Variants in KIAA1328 observed in about 807,000 individuals in gnomAD.
KIAA1328 encodes KIAA1328, also known as protein hinderin.
In KIAA1328, 52 loss-of-function variants were observed where a neutral mutation model predicts 68.1. That is an observed-to-expected ratio of 0.76 (90% CI 0.61 to 0.96). The LOEUF (loss-of-function observed/expected upper bound fraction) is 0.96. Among genes scored for constraint, KIAA1328 ranks in the 40% least tolerant of loss-of-function variants. KIAA1328 has a pLI of 0.00. For missense variants in KIAA1328, 641 were observed against 677.6 expected (o/e 0.95, Z 0.60); for synonymous variants, 232 against 239.4 (o/e 0.97, Z 0.28).
Position 37,068,866 on chromosome 18 carries a change from C to T in KIAA1328, c.1232+1321C>T, listed in dbSNP as rs549166704. 2.6e-5 allele frequency among the ~76,000 whole-genome samples: 4 copies of T among 152,220 alleles called. No individual in the cohort carries two copies. The South Asian group carries it at 8.3e-4, about 32-fold the overall frequency. Reference sequence around the variant, plus strand: ...TCTTGAACTTAAATAATTATCCCACCTCAGCCTCCCAAAGTGCTGGAATTA... The same window carrying T: ...TCTTGAACTTAAATAATTATCCCACTTCAGCCTCCCAAAGTGCTGGAATTA... On this transcript the variant is annotated intron_variant, in intron 7 of 9. Transcript: ENST00000280020.
At chr18:36,904,809 G>C (rs898172199) in intron 5 of KIAA1328, among the ~76,000 whole-genome samples, 1 of 151,498 alleles carries the variant, frequency 6.6e-6, no homozygotes, top group Non-Finnish European at 1.5e-5. Context: ...TGTTCTTTTG[G>C]ATCAATTGAA....
At chr18:36,994,517 C>T (rs1428093672) in intron 6 of KIAA1328, among the ~76,000 whole-genome samples, 2 of 152,094 alleles carry the variant, frequency 1.3e-5, no homozygotes, top group Admixed American at 1.3e-4. Flanking sequence ...AACCACTCAT[C>T]TCATCCAACT....
At chr18:37,178,987 A>G (rs2059648193) in intron 9 of KIAA1328, among the ~76,000 whole-genome samples, 1 of 152,104 alleles carries the variant, frequency 6.6e-6, no homozygotes, top group African/African-American at 2.4e-5. Context: ...TTCTTATCAG[A>G]TGGATAGTTT....
intron 3 of KIAA1328, among the ~76,000 whole-genome samples, chr18:36,842,106 T>C (rs560204690): frequency 1.4e-4 from 22 of 152,294 alleles, no homozygotes; most frequent in African/African-American, 5.3e-4. Flanking sequence ...CATTAAAGTA[T>C]CATGAAAGTA....
At chr18:36,989,840 G>A (rs1315012361) in intron 6 of KIAA1328, among the ~76,000 whole-genome samples, 2 of 152,064 alleles carry the variant, frequency 1.3e-5, no homozygotes, top group Non-Finnish European at 2.9e-5. Flanking sequence ...GCCTACAGGT[G>A]CCCGCCACCA....
rs369168460 is a variant in KIAA1328, at chr18:37,180,981, G to T, written c.1523+7900G>T. ...ATGTTCATACAAATTACATATTATT[G>T]TCAAGATTTTTAATGACTGTTAAAG... On this transcript the variant is annotated intron_variant, in intron 9 of 9. Transcript: ENST00000280020. Among the ~76,000 whole-genome samples, 7 of 152,116 alleles carry T rather than the reference G, an allele frequency of 4.6e-5. No individual in the cohort carries two copies. In the South Asian group the frequency reaches 6.2e-4, roughly 14 times the overall value.
At chr18:37,143,251 G>A (rs1025394403) in intron 7 of KIAA1328, among the ~76,000 whole-genome samples, 6 of 151,912 alleles carry the variant, frequency 3.9e-5, no homozygotes, top group African/African-American at 9.7e-5. Flanking sequence ...CACCATGCCC[G>A]GCCTACTTAG....
At chr18:37,193,390 A>G (rs539063881) in intron 9 of KIAA1328, among the ~76,000 whole-genome samples, 3 of 152,346 alleles carry the variant, frequency 2.0e-5, no homozygotes, top group African/African-American at 4.8e-5. Flanking sequence ...AATGGAATAA[A>G]CAAAGAGTAT....
At chr18:37,058,773 G>A (rs2056029074) in intron 6 of KIAA1328, among the ~76,000 whole-genome samples, 1 of 152,030 alleles carries the variant, frequency 6.6e-6, no homozygotes. Flanking sequence ...CTCTAGTATG[G>A]ATGTTGAAGC....
intron 6 of KIAA1328, among the ~76,000 whole-genome samples, chr18:37,042,380 A>G (rs1000311209): frequency 2.0e-5 from 3 of 152,214 alleles, no homozygotes; most frequent in African/African-American, 7.2e-5. Context: ...GATTTTCTTC[A>G]GCATTTCTTA....
At chr18:37,116,459 T>G (rs947880371) in intron 7 of KIAA1328, among the ~76,000 whole-genome samples, 2 of 152,104 alleles carry the variant, frequency 1.3e-5, no homozygotes, top group African/African-American at 2.4e-5. Context: ...GCTAGCCATA[T>G]GTAGAAAGCT....
chr18:37,128,343 G>A (rs924009495), intron 7 of KIAA1328, among the ~76,000 whole-genome samples: 2 of 152,024 alleles, frequency 1.3e-5, no homozygotes, highest in South Asian at 2.1e-4. Context: ...GTGTGGTGGT[G>A]CACACCTGTA....
chr18:36,961,467 A>G (rs1322065661), intron 6 of KIAA1328, among the ~76,000 whole-genome samples: 1 of 152,124 alleles, frequency 6.6e-6, no homozygotes, highest in Admixed American at 6.5e-5. Flanking sequence ...TACAGAGAAC[A>G]CCACAAAGAT....
intron 4 of KIAA1328, among the ~76,000 whole-genome samples, chr18:36,876,622 C>G (rs2048137544): frequency 6.6e-6 from 1 of 152,100 alleles, no homozygotes; most frequent in African/African-American, 2.4e-5. Context: ...TTTCAAAAAA[C>G]CAGCTCCTGG....
In KIAA1328 at chr18:37,179,260, G is replaced by A. The variant is rs138390740; in HGVS notation, c.1523+6179G>A. Among the ~76,000 whole-genome samples, 706 of 152,244 alleles carry A rather than the reference G, an allele frequency of 4.6e-3. 5 individuals are homozygous for A. The highest frequency in any genetic ancestry group is 0.019 in the South Asian group (93 of 4,820). ...TGATTTTTGTATCTGATGAGAGATA[G>A]GGAGTCTAGTTTCACTCTCTGCATG... On this transcript the variant is annotated intron_variant, in intron 9 of 9. Coordinates refer to ENST00000280020, the MANE Select transcript of KIAA1328 (RefSeq NM_020776.3).
chr18:36,901,123 C>A (rs186563451), intron 5 of KIAA1328, among the ~76,000 whole-genome samples: 146 of 152,020 alleles, frequency 9.6e-4, no homozygotes, highest in African/African-American at 3.4e-3. Context: ...TCTTGAGATG[C>A]GAGTTTTTCA....
rs914942053 is a variant in KIAA1328 at position 36,853,772 on chromosome 18, C to T, written c.332+9470C>T. Among the ~76,000 whole-genome samples the T allele has an allele frequency of 1.3e-4, 20 of 152,214 alleles. No individual in the cohort carries two copies. In the East Asian group the frequency reaches 3.1e-3, roughly 24 times the overall value. On this transcript the variant is annotated intron_variant, in intron 4 of 9. Transcript: ENST00000280020. Reference sequence around the variant, plus strand: ...CTTCTGGGTTCAAGTGATTCTTCTGCGTCAGCCTCCCGCGTAGCTGTTACA... The same window carrying T: ...CTTCTGGGTTCAAGTGATTCTTCTGTGTCAGCCTCCCGCGTAGCTGTTACA...
intron 9 of KIAA1328, among the ~76,000 whole-genome samples, chr18:37,201,106 A>C (rs1419299118): frequency 6.6e-6 from 1 of 152,214 alleles, no homozygotes; most frequent in East Asian, 1.9e-4. Context: ...AAAAGATCTT[A>C]GTGAAATCTT....
downstream of KIAA1328, chr18:37,230,575 G>T (rs1464096616): frequency 6.6e-6 from 1 of 152,180 alleles, no homozygotes; most frequent in African/African-American, 2.4e-5. Context: ...AATTCAGCAT[G>T]GTTCCTGGCA....
Sources: gnomAD v4.1 joint callset for allele counts (sites outside exome capture counted in the v4.1 genomes callset) on GRCh38, gnomAD v4.1.1 for gene constraint, MANE v1.5 for transcripts, NCBI Gene and HGNC (gene_info 2026-07-23, HGNC 2026-07-21) for gene names.